The following LARP1 variants were observed in gnomAD, a reference collection of about 807,000 sequenced individuals.
LARP1 encodes the protein la-related protein 1.
Under a neutral mutation model 122.7 loss-of-function variants are expected in LARP1, and 36 were observed. That is an observed-to-expected ratio of 0.29 (90% CI 0.22 to 0.39). The LOEUF is 0.39. LARP1 is among the 10% of genes least tolerant of loss of function. LARP1 has a pLI of 1.00. For synonymous variants in LARP1, 539 were observed against 528.7 expected (o/e 1.02, Z -0.27); for missense variants, 1,040 against 1,403.6 (o/e 0.74, Z 4.14).
Position 154,800,034 on chromosome 5 carries a change from C to T in LARP1, c.1708C>T (p.Arg570Trp), listed in dbSNP as rs373380138. The T allele has an allele frequency of 3.7e-6, 6 of 1,613,230 alleles. No homozygotes were observed. Among genetic ancestry groups the T allele is most frequent in the African/African-American group, 2.7e-5 (2 of 74,922 alleles). Residue 570 changes from arginine to tryptophan, a missense_variant, in exon 10 of 19, where the codon CGG becomes TGG. By Grantham distance (101) the Arg-to-Trp change is moderately radical. This residue lies in a region of LARP1 where 362 missense variants were observed against 533.1 expected (regional missense o/e 0.68). Transcript: ENST00000518297. ...GAAGAGGCCTCGGCCATCCCCAGCA[C>T]GGCCCAAGGTGGGTGAGGCCTTGTC... ...VKKRPRPSPARPKKSEESRFS... is the reference protein window; with the variant it reads ...VKKRPRPSPAWPKKSEESRFS...
intron 1 of LARP1, among the ~76,000 whole-genome samples, chr5:154,730,787 C>T (rs1188328151): frequency 1.3e-5 from 2 of 151,034 alleles, no homozygotes; most frequent in African/African-American, 2.4e-5. Flanking sequence ...ATTATATTCT[C>T]GTAGTCTATA....
chr5:154,805,037 CAT>C (rs142579020), intron 14 of LARP1: 31 of 388,474 alleles, frequency 8.0e-5, no homozygotes, highest in African/African-American at 1.9e-4. Flanking sequence ...TCAATTAGCA[CAT>C]GTTTTGCATA....
chr5:154,752,098 C>G (rs921899377), upstream of LARP1, among the ~76,000 whole-genome samples: 1 of 152,196 alleles, frequency 6.6e-6, no homozygotes, highest in Non-Finnish European at 1.5e-5. Context: ...GTGTGAGTCA[C>G]TATGCCCAGC....
At chr5:154,713,667 G>A (rs749156324) in intron 1 of LARP1, among the ~76,000 whole-genome samples, 20 of 152,218 alleles carry the variant, frequency 1.3e-4, no homozygotes, top group Non-Finnish European at 2.4e-4. Context: ...TTTGCATGGG[G>A]TTTATAAGGA....
chr5:154,692,907 T>C (rs1035311989), intron 1 of LARP1, among the ~76,000 whole-genome samples: 6 of 152,112 alleles, frequency 3.9e-5, no homozygotes, highest in Non-Finnish European at 7.3e-5. Flanking sequence ...TGTGTATATG[T>C]ATATTTCCTC....
At chr5:154,805,732 A>G (rs1049584856) in intron 14 of LARP1, 149 bp from the exon 15 acceptor site, 6 of 746,478 alleles carry the variant, frequency 8.0e-6, no homozygotes, top group East Asian at 5.0e-5. Flanking sequence ...ACCCATGGAT[A>G]TAAGTTAAAG....
intron 18 of LARP1, among the ~76,000 whole-genome samples, chr5:154,813,214 G>C (rs923326034): frequency 1.3e-5 from 2 of 152,156 alleles, no homozygotes; most frequent in Non-Finnish European, 2.9e-5. Flanking sequence ...CCCTTGAGGA[G>C]GAGAAGGGAG....
chr5:154,745,372 A>G (rs1167585623), intron 1 of LARP1, among the ~76,000 whole-genome samples: 1 of 152,206 alleles, frequency 6.6e-6, no homozygotes, highest in Non-Finnish European at 1.5e-5. Flanking sequence ...GGATTTGAAG[A>G]ATGCTTCTCC....
chr5:154,757,436 C>G (rs992961571), intron 1 of LARP1: 4 of 151,778 alleles, frequency 2.6e-5, no homozygotes, highest in Admixed American at 2.6e-4. Flanking sequence ...CTCTCTCGGC[C>G]GGCGTATAGG....
chr5:154,721,205 G>C (rs976331171), intron 1 of LARP1, among the ~76,000 whole-genome samples: 11 of 151,960 alleles, frequency 7.2e-5, no homozygotes, highest in Non-Finnish European at 1.3e-4. Flanking sequence ...AGATTAGCCC[G>C]GCATGGTGGT....
At chr5:154,788,227 A>G (rs1446542386) in intron 1 of LARP1, among the ~76,000 whole-genome samples, 1 of 152,198 alleles carries the variant, frequency 6.6e-6, no homozygotes, top group African/African-American at 2.4e-5. Flanking sequence ...TCCCAGGAGT[A>G]TGGGTGCAGA....
intron 1 of LARP1, among the ~76,000 whole-genome samples, chr5:154,759,117 CAAGTTA>C (rs1266278242): frequency 6.6e-6 from 1 of 152,216 alleles, no homozygotes; most frequent in Admixed American, 6.5e-5. Flanking sequence ...CTTCCTTGGG[CAAGTTA>C]TTTAACCATT....
At chr5:154,809,395 A>G (rs570314494) in intron 16 of LARP1, among the ~76,000 whole-genome samples, 2 of 145,630 alleles carry the variant, frequency 1.4e-5, no homozygotes, top group Admixed American at 1.4e-4. Context: ...TGTAAACTAC[A>G]TGAAAAAAGA....
In LARP1 at chr5:154,814,087, G is replaced by A. The variant is rs1346451243; in HGVS notation, c.3282G>A (p.Leu1094=). 2.6e-5 allele frequency: 42 copies of A among 1,614,004 alleles called. No individual in the cohort carries two copies. Among genetic ancestry groups the A allele is most frequent in the Non-Finnish European group, 3.2e-5 (38 of 1,180,028 alleles). ...GCCAGCACTCGAACACACAGACTTT[G>A]GGAAAGTGAAAAGCTCCTTAGCCCT... The part of the protein sequence containing the change: ...WTSQHSNTQT[L]GK Residue 1094 remains leucine, a synonymous_variant, in exon 19 of 19, where the codon TTG becomes TTA. Coordinates refer to ENST00000518297, the MANE Select transcript of LARP1 (RefSeq NM_033551.3).
chr5:154,787,856 G>A (rs1163581609), intron 1 of LARP1, among the ~76,000 whole-genome samples: 1 of 152,190 alleles, frequency 6.6e-6, no homozygotes, highest in East Asian at 1.9e-4. Context: ...GCAGACTAGG[G>A]AATCAGTGAG....
rs770652970 is a variant in LARP1 at position 154,793,782 on chromosome 5, G to T, written c.869-18G>T. 17 of 1,614,150 alleles carry T rather than the reference G, an allele frequency of 1.1e-5. No individual in the cohort carries two copies. The highest frequency in any genetic ancestry group is 2.2e-5 in the South Asian group (2 of 91,086). On this transcript the variant is annotated intron_variant, in intron 5 of 18. Coordinates refer to ENST00000518297, the MANE Select transcript of LARP1 (RefSeq NM_033551.3). Reference sequence around the variant, plus strand: ...GGGAGACACCCTCAGGCCTGACCTGGTACCCCTCTCCCCATAGGGTCTGAG... The same window carrying T: ...GGGAGACACCCTCAGGCCTGACCTGTTACCCCTCTCCCCATAGGGTCTGAG...
chr5:154,811,160 T>G (rs896420104), intron 16 of LARP1, 87 bp from the exon 17 acceptor site: 5 of 948,768 alleles, frequency 5.3e-6, no homozygotes, highest in African/African-American at 3.3e-5. Flanking sequence ...TAGTTTAAAC[T>G]GTTTCATAGT....
At chr5:154,694,384 C>T (rs1754372706) in intron 1 of LARP1, among the ~76,000 whole-genome samples, 1 of 151,892 alleles carries the variant, frequency 6.6e-6, no homozygotes, top group African/African-American at 2.4e-5. Context: ...AGCCTCCCCA[C>T]AGCTGGGACT....
chr5:154,776,162 A>G (rs1582374891), intron 1 of LARP1, among the ~76,000 whole-genome samples: 2 of 152,282 alleles, frequency 1.3e-5, no homozygotes, highest in East Asian at 1.9e-4. Flanking sequence ...TTTATTTTGT[A>G]TAGAGACAGA....
Sources: gnomAD v4.1 joint callset for allele counts (sites outside exome capture counted in the v4.1 genomes callset) on GRCh38, gnomAD v4.1.1 for gene constraint, gnomAD v4.1.1 regional missense constraint, MANE v1.5 for transcripts, NCBI Gene and HGNC (gene_info 2026-07-23, HGNC 2026-07-21) for gene names.